PCDH15: variants seen among roughly 807,000 people sequenced by gnomAD.
PCDH15 encodes the protein protocadherin related 15.
PCDH15 carries 129 observed loss-of-function variants against 178.5 expected under a neutral mutation model. That is an observed-to-expected ratio of 0.72 (90% CI 0.63 to 0.84). The LOEUF (loss-of-function observed/expected upper bound fraction) is 0.84, where lower values mean the gene tolerates loss of function less well. Among genes scored for constraint, PCDH15 ranks in the 40% least tolerant of loss-of-function variants. The pLI is 0.00. For synonymous variants in PCDH15, 800 were observed against 732.0 expected, an observed-to-expected ratio of 1.09 and a Z score of -1.50; for missense variants, 2,230 against 2,099.9, an observed-to-expected ratio of 1.06 and a Z score of -1.21.
Position 53,816,238 on chromosome 10 carries a change from C to A in PCDH15, c.4491+1G>T. The A allele has an allele frequency of 2.5e-6, 1 of 398,728 alleles. No individual in the cohort carries two copies. Among genetic ancestry groups the A allele is most frequent in the East Asian group, 3.6e-5 (1 of 28,018 alleles). The allele number at this position is 398,728 out of a possible 1,614,324, so 24.7% of individuals were successfully genotyped here. A position where few individuals can be genotyped will look rare whatever the true frequency, so the allele number is the denominator to read the frequency against. On this transcript the variant is annotated splice_donor_variant, in intron 35 of 37. Transcript: ENST00000644397. LOFTEE classifies it high-confidence loss of function. Reference sequence around the variant, plus strand: ...GTTGAAAAGAAAATGAAAATTGATACCTCTGGTTTAAGAAGAGAGGGCCTC... The same window carrying A: ...GTTGAAAAGAAAATGAAAATTGATAACTCTGGTTTAAGAAGAGAGGGCCTC...
intron 2 of PCDH15, among the ~76,000 whole-genome samples, chr10:54,622,690 A>G: frequency 1.1e-5 from 1 of 87,280 alleles, no homozygotes; most frequent in South Asian, 2.6e-4. Context: ...TATATTATAT[A>G]ATATATATTT....
Position 54,500,210 on chromosome 10 carries a change from C to T in PCDH15, c.157+27602G>A, listed in dbSNP as rs1033637217. Among the ~76,000 whole-genome samples the T allele has an allele frequency of 8.5e-5, 13 of 152,144 alleles. 1 individual carries two copies. Among genetic ancestry groups the T allele is most frequent in the Non-Finnish European group, 1.8e-4 (12 of 67,982 alleles). On this transcript the variant is annotated intron_variant, in intron 3 of 37. Transcript: ENST00000644397. ...AACCACAGAAACAGAAAATCAAATA[C>T]CACATGTTTTCACTTATAAGTGGGA...
At chr10:54,937,562 GT>G (rs961554204) in intron 2 of PCDH15, among the ~76,000 whole-genome samples, 2 of 151,494 alleles carry the variant, frequency 1.3e-5, no homozygotes, top group Non-Finnish European at 3.0e-5. Flanking sequence ...TTAGTATTTT[GT>G]TTTTTGGGGT....
At chr10:54,460,229 G>C (rs1222760058) in intron 3 of PCDH15, among the ~76,000 whole-genome samples, 1 of 151,966 alleles carries the variant, frequency 6.6e-6, no homozygotes, top group Non-Finnish European at 1.5e-5. Context: ...ATTTGATAAA[G>C]TTTTACTGAA....
chr10:54,342,478 G>C (rs561788637), intron 6 of PCDH15, among the ~76,000 whole-genome samples: 1 of 152,318 alleles, frequency 6.6e-6, no homozygotes, highest in East Asian at 1.9e-4. Context: ...CAGAGGATGT[G>C]TGAAAATGCC....
chr10:54,399,796 A>G (rs1363837403), intron 3 of PCDH15, among the ~76,000 whole-genome samples: 1 of 152,120 alleles, frequency 6.6e-6, no homozygotes, highest in African/African-American at 2.4e-5. Flanking sequence ...GTTAGTGACC[A>G]GAAGACAAAT....
At chr10:54,261,314 A>G (rs561179359) in intron 8 of PCDH15, among the ~76,000 whole-genome samples, 1 of 152,202 alleles carries the variant, frequency 6.6e-6, no homozygotes, top group Admixed American at 6.5e-5. Flanking sequence ...CAATGGATAA[A>G]TGACAGATTT....
intron 3 of PCDH15, among the ~76,000 whole-genome samples, chr10:54,472,711 A>G (rs934458743): frequency 5.3e-5 from 8 of 152,164 alleles, no homozygotes; most frequent in Admixed American, 5.2e-4. Context: ...GTCAGGAAGG[A>G]CGTGGGGTCA....
At chr10:54,637,820 A>G (rs2093896728) in intron 2 of PCDH15, among the ~76,000 whole-genome samples, 1 of 152,072 alleles carries the variant, frequency 6.6e-6, no homozygotes, top group Non-Finnish European at 1.5e-5. Flanking sequence ...AGCTCAATAA[A>G]TATGGTATTT....
chr10:54,783,469 A>T (rs1262688208), intron 1 of PCDH15, among the ~76,000 whole-genome samples: 1 of 152,096 alleles, frequency 6.6e-6, no homozygotes, highest in Non-Finnish European at 1.5e-5. Flanking sequence ...AGCAAAGTAA[A>T]CATAGTAAAG....
chr10:55,602,211 A>G (rs1843100542), intron 2 of PCDH15, among the ~76,000 whole-genome samples: 1 of 151,976 alleles, frequency 6.6e-6, no homozygotes, highest in Non-Finnish European at 1.5e-5. Context: ...ACGAGATTAT[A>G]CCCCGCACCT....
intron 16 of PCDH15, 77 bp downstream of exon 16, chr10:54,089,907 C>T: frequency 8.9e-7 from 1 of 1,118,036 alleles, no homozygotes; most frequent in Non-Finnish European, 1.4e-6. Flanking sequence ...CTGAAAGCCT[C>T]TGATTAGAAG....
chr10:54,446,712 C>A (rs971826530), intron 3 of PCDH15, among the ~76,000 whole-genome samples: 6 of 151,372 alleles, frequency 4.0e-5, no homozygotes, highest in African/African-American at 1.2e-4. Context: ...AATTGGGCCC[C>A]TTGAGATTTT....
At chr10:54,080,986 T>C (rs183021875) in intron 16 of PCDH15, among the ~76,000 whole-genome samples, 1 of 152,140 alleles carries the variant, frequency 6.6e-6, no homozygotes, top group East Asian at 1.9e-4. Flanking sequence ...GAAAATTGAG[T>C]TACCATTTTC....
intron 2 of PCDH15, among the ~76,000 whole-genome samples, chr10:55,072,638 G>T (rs2132015292): frequency 6.6e-6 from 1 of 152,202 alleles, no homozygotes; most frequent in East Asian, 1.9e-4. Flanking sequence ...TCCAGGACAA[G>T]ACGGATTCAC....
intron 1 of PCDH15, among the ~76,000 whole-genome samples, chr10:54,710,144 A>C (rs960382121): frequency 8.6e-5 from 13 of 151,916 alleles, no homozygotes; most frequent in Non-Finnish European, 1.8e-4. Context: ...TACCAAGCAA[A>C]CGTTTGAGTA....
At chr10:55,027,910 C>A (rs555558392) in intron 2 of PCDH15, among the ~76,000 whole-genome samples, 2 of 151,848 alleles carry the variant, frequency 1.3e-5, no homozygotes, top group East Asian at 3.9e-4. Flanking sequence ...CCTATTCAAT[C>A]TTGTGTTAAG....
At chr10:54,594,970 C>G (rs752784928) in intron 2 of PCDH15, among the ~76,000 whole-genome samples, 1 of 152,152 alleles carries the variant, frequency 6.6e-6, no homozygotes, top group Admixed American at 6.5e-5. Flanking sequence ...GCACACAGTC[C>G]TGCGACCACT....
intron 8 of PCDH15, among the ~76,000 whole-genome samples, chr10:54,265,127 A>C (rs1214652588): frequency 1.3e-5 from 2 of 152,116 alleles, no homozygotes; most frequent in African/African-American, 4.8e-5. Flanking sequence ...AAAAGAAAAG[A>C]CATTCCAGAA....
Sources: allele counts gnomAD v4.1 joint callset (sites outside exome capture counted in the v4.1 genomes callset), GRCh38; gene constraint gnomAD v4.1.1; transcripts MANE v1.5; gene names NCBI Gene and HGNC (gene_info 2026-07-23, HGNC 2026-07-21).